Variants in SEH1L observed in about 807,000 individuals in gnomAD.
SEH1L encodes the protein nucleoporin SEH1.
SEH1L carries 18 observed loss-of-function variants against 49.5 expected under a neutral mutation model. That is an observed-to-expected ratio of 0.36 (90% CI 0.25 to 0.54). SEH1L has a LOEUF of 0.54. Ranked by LOEUF, SEH1L falls within the 20% of genes least tolerant of loss-of-function variation. The pLI is 0.87. For missense variants in SEH1L, 404 were observed against 528.8 expected, an observed-to-expected ratio of 0.76 and a Z score of 2.31; for synonymous variants, 169 against 178.1, an observed-to-expected ratio of 0.95 and a Z score of 0.41.
chr18:12,967,078 C>T (rs1424331532), intron 4 of SEH1L, among the ~76,000 whole-genome samples: 1 of 152,144 alleles, frequency 6.6e-6, no homozygotes, highest in East Asian at 1.9e-4. Context: ...TTAAAATTTG[C>T]ATTTGTTTGC....
intron 4 of SEH1L, among the ~76,000 whole-genome samples, chr18:12,967,175 G>A (rs953810475): frequency 3.3e-5 from 5 of 152,204 alleles, no homozygotes; most frequent in Non-Finnish European, 7.3e-5. Flanking sequence ...ATACCGAATT[G>A]CTCCTTGGGG....
chr18:12,960,691 GTCAGT>G (rs1394927618), intron 3 of SEH1L, among the ~76,000 whole-genome samples: 25 of 152,316 alleles, frequency 1.6e-4, no homozygotes, highest in African/African-American at 6.0e-4. Context: ...TCTGAGGTGT[GTCAGT>G]TCAGTATACT....
chr18:12,979,884 C>T (rs1309384805), intron 6 of SEH1L, among the ~76,000 whole-genome samples: 1 of 137,264 alleles, frequency 7.3e-6, no homozygotes, highest in African/African-American at 2.8e-5. Context: ...CTGACCCCCC[C>T]ACCTCCTTCG....
At chr18:12,975,149 C>T (rs1010138872) in intron 5 of SEH1L, among the ~76,000 whole-genome samples, 1 of 151,966 alleles carries the variant, frequency 6.6e-6, no homozygotes, top group Non-Finnish European at 1.5e-5. Flanking sequence ...TGTGCCACCA[C>T]ACCCAGCTAA....
Position 12,986,862 on chromosome 18 carries a change from G to T in SEH1L, c.1071G>T (p.Arg357Ser). ...QNSLNGSSAG[R>S]YFFTPLDSPR... is the part of the protein sequence containing the mutation. ...TTTGTTCCTGTCTTCATTGTTTCAG[G>T]TATTTCTTTACCCCTCTGGATTCCC... The change falls in exon 9 of 9, where the codon AGG (arginine) becomes AGT (serine). Residue 357 changes from arginine to serine, a missense_variant and splice_region_variant. This residue lies in a region of SEH1L where 342 missense variants were observed against 430.8 expected (regional missense o/e 0.79). Transcript: ENST00000399892. 18 of 1,518,170 alleles carry T rather than the reference G, an allele frequency of 1.2e-5. No homozygotes were observed. The highest frequency in any genetic ancestry group is 1.6e-5 in the Non-Finnish European group (18 of 1,128,040). The allele number at this position is 1,518,170 out of a possible 1,614,324, so 94.0% of individuals were successfully genotyped here.
Position 12,987,064 on chromosome 18 carries a change from G to A in SEH1L, c.*7G>A. 6.4e-7 allele frequency: 1 copy of A among 1,564,600 alleles called. No homozygotes were observed. Among genetic ancestry groups the A allele is most frequent in the South Asian group, 1.1e-5 (1 of 87,476 alleles). On this transcript the variant is annotated 3_prime_UTR_variant, in exon 9 of 9. Coordinates refer to ENST00000399892, the MANE Select transcript of SEH1L (RefSeq NM_001013437.2). ...TGAGAATGAAGGGATTTAAAACACT[G>A]ATTTAACATTGAAAGGCCTTATTCA...
intron 1 of SEH1L, among the ~76,000 whole-genome samples, chr18:12,950,813 T>A (rs75576434): frequency 0.03 from 4,632 of 152,244 alleles, 97 homozygotes; most frequent in Middle Eastern, 0.095. Flanking sequence ...TTTTTCTGGG[T>A]AATAAGGTTT....
intron 3 of SEH1L, among the ~76,000 whole-genome samples, chr18:12,959,560 T>C (rs1470193008): frequency 6.6e-6 from 1 of 152,214 alleles, no homozygotes; most frequent in Admixed American, 6.6e-5. Context: ...ATGCCAGTGC[T>C]CAAAAAGTTT....
chr18:12,980,450 C>T (rs1387818816), intron 6 of SEH1L, among the ~76,000 whole-genome samples: 73 of 67,896 alleles, frequency 1.1e-3, no homozygotes, highest in African/African-American at 5.5e-3. Flanking sequence ...CCGGACGGGG[C>T]GGCTGGCCGG....
intron 5 of SEH1L, chr18:12,976,850 C>T (rs2031945149): frequency 6.6e-6 from 1 of 152,130 alleles, no homozygotes; most frequent in Non-Finnish European, 1.5e-5. Context: ...GTGGCAGGCC[C>T]CTGTAGTCCC....
intron 8 of SEH1L, chr18:12,985,320 GCTC>G: frequency 6.3e-7 from 1 of 1,576,974 alleles, no homozygotes; most frequent in Non-Finnish European, 8.6e-7. Flanking sequence ...TGGAAAGCGA[GCTC>G]CTTTTCCCCT....
intron 8 of SEH1L, among the ~76,000 whole-genome samples, chr18:12,984,448 A>G (rs549398877): frequency 2.0e-5 from 3 of 152,362 alleles, no homozygotes; most frequent in South Asian, 4.1e-4. Context: ...CAGGTTTAAG[A>G]TTCAACTTTG....
chr18:12,949,442 GTT>G (rs71174155), intron 1 of SEH1L, among the ~76,000 whole-genome samples: 2,930 of 51,394 alleles, frequency 0.057, 109 homozygotes, highest in East Asian at 0.21. Context: ...TACGTTAACC[GTT>G]TTTTTTTTTT....
intron 5 of SEH1L, chr18:12,972,892 C>T (rs1239911612): frequency 1.1e-5 from 1 of 88,144 alleles, no homozygotes; most frequent in Non-Finnish European, 2.2e-5. Flanking sequence ...AATATGTAGA[C>T]ATAAGCCCAA....
chr18:12,979,738 G>C, intron 6 of SEH1L, among the ~76,000 whole-genome samples: 1 of 142,928 alleles, frequency 7.0e-6, no homozygotes, highest in African/African-American at 2.6e-5. Flanking sequence ...CGGCTGGCCG[G>C]GCGGGGGGCT....
In SEH1L at chr18:12,963,160, G is replaced by A; in HGVS notation, c.310G>A (p.Val104Ile). 1 of 1,591,908 alleles carries A rather than the reference G, an allele frequency of 6.3e-7. No individual in the cohort carries two copies. The highest frequency in any genetic ancestry group is 8.6e-7 in the Non-Finnish European group (1 of 1,167,974). Residue 104 changes from valine to isoleucine, a missense_variant and splice_region_variant, in exon 4 of 9, where the codon GTT becomes ATT. Val to Ile is a conservative substitution (Grantham distance 29). Transcript: ENST00000399892. ...TAAATTGTTATTATTTTTTTTTTAG[G>A]TTAAAAGGACAACTCTGGTGGATAG... is the stretch of plus-strand genomic sequence containing the variant. Reference protein sequence around the residue: ...NDKLRGQSHWVKRTTLVDSRT... With the variant: ...NDKLRGQSHWIKRTTLVDSRT...
At chr18:12,979,071 T>TC (rs1370392331) in intron 6 of SEH1L, among the ~76,000 whole-genome samples, 179 bp downstream of exon 6, 3 of 132,494 alleles carry the variant, frequency 2.3e-5, no homozygotes, top group African/African-American at 5.3e-5. Context: ...TACTTTTTTT[T>TC]CTTTCTTTTT....
chr18:12,980,089 C>T (rs1196461650), intron 6 of SEH1L, among the ~76,000 whole-genome samples: 2 of 124,570 alleles, frequency 1.6e-5, no homozygotes, highest in African/African-American at 3.1e-5. Context: ...GGGCTGACCC[C>T]CCCCCACCTC....
Position 12,963,148 on chromosome 18 carries a change from T to C in SEH1L, c.310-12T>C, listed in dbSNP as rs969445575. The stretch of plus-strand genomic sequence containing the variant: ...TTGTATATAATTTAAATTGTTATTA[T>C]TTTTTTTTTAGGTTAAAAGGACAAC... On this transcript the variant is annotated splice_polypyrimidine_tract_variant and intron_variant, in intron 3 of 8. Coordinates refer to ENST00000399892, the MANE Select transcript of SEH1L (RefSeq NM_001013437.2). 1 of 531,514 alleles carries C rather than the reference T, an allele frequency of 1.9e-6. No homozygotes were observed. The highest frequency in any genetic ancestry group is 1.9e-5 in the African/African-American group (1 of 52,010). The allele number at this position is 531,514 out of a possible 1,614,324, so 32.9% of individuals were successfully genotyped here.
Sources: allele counts gnomAD v4.1 joint callset (sites outside exome capture counted in the v4.1 genomes callset), GRCh38; gene constraint gnomAD v4.1.1; regional missense constraint gnomAD v4.1.1; transcripts MANE v1.5; gene names NCBI Gene and HGNC (gene_info 2026-07-23, HGNC 2026-07-21).